Variants in XKR4 observed in about 807,000 individuals in gnomAD.
XKR4 encodes the protein XK related 4.
XKR4 carries 12 observed loss-of-function variants against 53.9 expected under a neutral mutation model. That is an observed-to-expected ratio of 0.22 (90% CI 0.14 to 0.36). XKR4 has a LOEUF of 0.36. Among genes scored for constraint, XKR4 ranks in the 10% least tolerant of loss-of-function variants. XKR4 has a pLI of 1.00. For synonymous variants in XKR4, 354 were observed against 362.4 expected (o/e 0.98, Z 0.26); for missense variants, 799 against 859.5 (o/e 0.93, Z 0.88).
At chr8:55,281,451 G>T (rs62519086) in intron 1 of XKR4, among the ~76,000 whole-genome samples, 36,201 of 152,000 alleles carry the variant, frequency 0.24, 4,645 homozygotes, top group East Asian at 0.48. Flanking sequence ...GAAGAGGAGG[G>T]ACTCAAGGTC....
At chr8:55,365,074 G>A (rs560520377) in intron 2 of XKR4, among the ~76,000 whole-genome samples, 4 of 152,230 alleles carry the variant, frequency 2.6e-5, no homozygotes, top group Admixed American at 6.5e-5. Context: ...TATGTTGACA[G>A]CTTTTGAAAA....
At chr8:55,434,345 T>C (rs55860306) in intron 2 of XKR4, among the ~76,000 whole-genome samples, 1,774 of 152,262 alleles carry the variant, frequency 0.012, 30 homozygotes, top group African/African-American at 0.033. Flanking sequence ...ATTGAAAATA[T>C]TTTATGTAAA....
At chr8:55,387,377 C>T (rs1012124571) in intron 2 of XKR4, among the ~76,000 whole-genome samples, 4 of 152,158 alleles carry the variant, frequency 2.6e-5, no homozygotes, top group African/African-American at 7.2e-5. Flanking sequence ...TTGACAGTGC[C>T]CTTAGGCATG....
chr8:55,505,372 T>A (rs1245504410), intron 2 of XKR4, among the ~76,000 whole-genome samples: 1 of 152,018 alleles, frequency 6.6e-6, no homozygotes, highest in Non-Finnish European at 1.5e-5. Context: ...CAAGACTTCA[T>A]CTCTACTAAA....
At chr8:55,459,163 C>A (rs1805612358) in intron 2 of XKR4, among the ~76,000 whole-genome samples, 1 of 151,878 alleles carries the variant, frequency 6.6e-6, no homozygotes, top group South Asian at 2.1e-4. Flanking sequence ...GAGGCCAAGA[C>A]AATTCATTAG....
In XKR4 at chr8:55,248,490, G is replaced by A. The variant is rs1052949311; in HGVS notation, c.807-109188G>A. ...ACAGCTTGTACCTCCATGTTTCTCA[G>A]TCAGTGATAAATATTTTATCATATA... On this transcript the variant is annotated intron_variant, in intron 1 of 2. Coordinates refer to ENST00000327381, the MANE Select transcript of XKR4 (RefSeq NM_052898.2). Among the ~76,000 whole-genome samples the A allele has an allele frequency of 7.2e-5, 11 of 152,276 alleles. 1 individual carries two copies. The highest frequency in any genetic ancestry group is 2.0e-4 in the Admixed American group (3 of 15,288).
At chr8:55,366,940 C>T (rs963272349) in intron 2 of XKR4, among the ~76,000 whole-genome samples, 26 of 152,226 alleles carry the variant, frequency 1.7e-4, no homozygotes, top group African/African-American at 6.0e-4. Context: ...TCTTGCTCTT[C>T]ACAAACTGCT....
intron 1 of XKR4, among the ~76,000 whole-genome samples, chr8:55,262,985 C>G (rs893580365): frequency 6.6e-6 from 1 of 152,180 alleles, no homozygotes; most frequent in African/African-American, 2.4e-5. Context: ...CCAAGTCTCT[C>G]ACTTCCCCAC....
chr8:55,145,462 T>C (rs1816761478), intron 1 of XKR4, among the ~76,000 whole-genome samples: 1 of 152,114 alleles, frequency 6.6e-6, no homozygotes. Flanking sequence ...CTAAGAGGAT[T>C]GCAATGTTTT....
intron 1 of XKR4, among the ~76,000 whole-genome samples, chr8:55,310,148 G>T (rs888566748): frequency 1.2e-4 from 19 of 152,152 alleles, no homozygotes. Flanking sequence ...AAAACACCAA[G>T]AGCCAAACTC....
intron 2 of XKR4, among the ~76,000 whole-genome samples, chr8:55,367,378 A>T (rs949098667): frequency 3.3e-5 from 5 of 152,146 alleles, no homozygotes. Context: ...GTGGTTGTTG[A>T]TGTACACTGG....
chr8:55,472,287 G>T (rs1805899932), intron 2 of XKR4, among the ~76,000 whole-genome samples: 1 of 152,112 alleles, frequency 6.6e-6, no homozygotes, highest in Admixed American at 6.5e-5. Context: ...GTCTGTAAAG[G>T]ATGAAGGGTA....
intron 1 of XKR4, among the ~76,000 whole-genome samples, chr8:55,298,430 C>G (rs1222467710): frequency 1.3e-5 from 2 of 152,104 alleles, no homozygotes; most frequent in East Asian, 3.9e-4. Flanking sequence ...AGCATGGCAC[C>G]AGCATTACTT....
chr8:55,326,802 C>T (rs1198529942), intron 1 of XKR4, among the ~76,000 whole-genome samples: 1 of 151,752 alleles, frequency 6.6e-6, no homozygotes, highest in Non-Finnish European at 1.5e-5. Flanking sequence ...GAAAGTTAGG[C>T]GGATTTGAGT....
intron 2 of XKR4, among the ~76,000 whole-genome samples, chr8:55,477,003 T>C (rs879536488): frequency 5.9e-5 from 9 of 152,136 alleles, no homozygotes; most frequent in Non-Finnish European, 1.2e-4. Context: ...CAGTAACCTC[T>C]GCAGACAAAA....
intron 1 of XKR4, among the ~76,000 whole-genome samples, chr8:55,257,637 C>T (rs10103585): frequency 0.33 from 50,332 of 152,058 alleles, 10,091 homozygotes; most frequent in Middle Eastern, 0.45. Flanking sequence ...TATGCAGAAT[C>T]AATATTATAT....
intron 1 of XKR4, among the ~76,000 whole-genome samples, chr8:55,134,112 C>A (rs1467732765): frequency 2.0e-5 from 3 of 152,150 alleles, no homozygotes; most frequent in African/African-American, 7.2e-5. Flanking sequence ...AGAAAATAAT[C>A]ATGTCCTCAC....
chr8:55,520,334 C>T (rs1016784404), intron 2 of XKR4, among the ~76,000 whole-genome samples: 3 of 152,346 alleles, frequency 2.0e-5, no homozygotes, highest in Middle Eastern at 3.4e-3. Context: ...GCCTAAAATC[C>T]TAGCACTTTG....
chr8:55,425,504 C>T (rs1275553586), intron 2 of XKR4, among the ~76,000 whole-genome samples: 1 of 152,188 alleles, frequency 6.6e-6, no homozygotes, highest in Non-Finnish European at 1.5e-5. Flanking sequence ...GAGCCTCAGG[C>T]TATCACATGC....
Sources: allele counts gnomAD v4.1 joint callset (sites outside exome capture counted in the v4.1 genomes callset), GRCh38; gene constraint gnomAD v4.1.1; transcripts MANE v1.5; gene names NCBI Gene and HGNC (gene_info 2026-07-23, HGNC 2026-07-21).